MYL12A: variants seen among roughly 807,000 people sequenced by gnomAD.
MYL12A encodes the protein myosin regulatory light chain 12A.
MYL12A carries 11 observed loss-of-function variants against 13.3 expected under a neutral mutation model. The observed-to-expected ratio is 0.83, with a 90% CI of 0.52 to 1.37. The LOEUF (loss-of-function observed/expected upper bound fraction) is 1.37, where lower values mean the gene tolerates loss of function less well. MYL12A is among the 40% of genes most tolerant of loss of function. The pLI is 0.00. For synonymous variants in MYL12A, 51 were observed against 69.9 expected (o/e 0.73, Z 1.35); for missense variants, 146 against 212.3 (o/e 0.69, Z 1.94).
At position 3,253,970 on chromosome 18, in the gene MYL12A, T is replaced by C. The variant is rs778425584; in HGVS notation, c.263T>C (p.Met88Thr). Reference protein sequence around the residue: ...GPINFTMFLTMFGEKLNGTDP... With the variant: ...GPINFTMFLTTFGEKLNGTDP... ...ATCAATTTCACCATGTTCCTCACCA[T>C]GTTTGGTGAGAAGTTAAATGGCACA... The change falls in exon 3 of 4, where the codon ATG (methionine) becomes ACG (threonine). Residue 88 changes from methionine to threonine, a missense_variant. Met to Thr is a moderately conservative substitution (Grantham distance 81). Coordinates refer to ENST00000217652, the MANE Select transcript of MYL12A (RefSeq NM_006471.4). 6 of 1,613,792 alleles carry C rather than the reference T, an allele frequency of 3.7e-6. No homozygotes were observed. Among genetic ancestry groups the C allele is most frequent in the Non-Finnish European group, 5.1e-6 (6 of 1,179,862 alleles).
At position 3,250,818 on chromosome 18, in the gene MYL12A, A is replaced by G. The variant is rs960067472; in HGVS notation, c.-15-2415A>G. Among the ~76,000 whole-genome samples, 5 of 152,160 alleles carry G rather than the reference A, an allele frequency of 3.3e-5. No individual in the cohort carries two copies. The East Asian group carries it at 7.7e-4, about 23-fold the overall frequency. On this transcript the variant is annotated intron_variant, in intron 1 of 3. Transcript: ENST00000217652. ...ATCTTTTCTGAACTCACAGCATTTG[A>G]TAATTATGTACCATGTTAGGAATTA... is the stretch of plus-strand genomic sequence containing the variant.
chr18:3,250,469 CTT>C (rs775143606), intron 1 of MYL12A, among the ~76,000 whole-genome samples: 1 of 152,152 alleles, frequency 6.6e-6, no homozygotes, highest in Non-Finnish European at 1.5e-5. Context: ...TCTCCCCACA[CTT>C]TTAGTTTGGT....
chr18:3,255,414 TGAA>T (rs1196656623), intron 3 of MYL12A: 1 of 186,704 alleles, frequency 5.4e-6, no homozygotes, highest in Non-Finnish European at 1.1e-5. Flanking sequence ...TCATGCCACT[TGAA>T]GGAACCGTAA....
Position 3,252,426 on chromosome 18 carries a change from A to C in MYL12A, c.-15-807A>C. 5 of 1,372,520 alleles carry C rather than the reference A, an allele frequency of 3.6e-6. No individual in the cohort carries two copies. The South Asian group carries it at 7.5e-5, about 21-fold the overall frequency. 85.0% of individuals were successfully genotyped at this position (1,372,520 alleles called of 1,614,324 possible). A position where few individuals can be genotyped will look rare whatever the true frequency, so the allele number is the denominator to read the frequency against. The stretch of plus-strand genomic sequence containing the variant: ...GTATTGAAAATTGCCTTTTTATTTT[A>C]GGTATTATTAGACATTCTTTTTAAT... On this transcript the variant is annotated intron_variant, in intron 1 of 3. Coordinates refer to ENST00000217652, the MANE Select transcript of MYL12A (RefSeq NM_006471.4).
chr18:3,249,185 ATATAT>A (rs758627890), intron 1 of MYL12A, among the ~76,000 whole-genome samples: 3 of 152,214 alleles, frequency 2.0e-5, no homozygotes, highest in Non-Finnish European at 2.9e-5. Flanking sequence ...ACTCTAATGT[ATATAT>A]TGGTATGGAT....
chr18:3,249,091 G>A (rs2081458936), intron 1 of MYL12A, among the ~76,000 whole-genome samples: 1 of 152,140 alleles, frequency 6.6e-6, no homozygotes, highest in Non-Finnish European at 1.5e-5. Context: ...TTGAGTGTTC[G>A]TTTTGTAGAA....
Position 3,254,049 on chromosome 18 carries a change from T to A in MYL12A, c.342T>A (p.Thr114=), listed in dbSNP as rs1333169298. The A allele has an allele frequency of 7.4e-6, 12 of 1,611,844 alleles. No homozygotes were observed. In the South Asian group the frequency reaches 1.2e-4, roughly 16 times the overall value. The change falls in exon 3 of 4, where the codon ACT becomes ACA. Residue 114 remains threonine, a splice_region_variant and synonymous_variant. Transcript: ENST00000217652. ...NAFACFDEEA[T]GTIQEDYLRE... ...TTGCTTGCTTTGATGAAGAAGCAAC[T>A]GGTAAGTGAGAGGTAACCTTTAATT...
At chr18:3,248,336 C>T in intron 1 of MYL12A, 1 of 152,228 alleles carries the variant, frequency 6.6e-6, no homozygotes, top group East Asian at 1.9e-4. Flanking sequence ...TTGGGAAGTT[C>T]TTCAGCTCAG....
intron 1 of MYL12A, among the ~76,000 whole-genome samples, chr18:3,251,445 A>C (rs1014964564): frequency 2.0e-5 from 3 of 152,190 alleles, no homozygotes; most frequent in African/African-American, 7.2e-5. Context: ...CACAAAACAG[A>C]CTATTTTTAA....
At chr18:3,250,663 C>T (rs971410031) in intron 1 of MYL12A, among the ~76,000 whole-genome samples, 1 of 152,182 alleles carries the variant, frequency 6.6e-6, no homozygotes, top group Non-Finnish European at 1.5e-5. Context: ...GAATTAACTA[C>T]CTTAATTTGT....
chr18:3,253,042 G>T lies in MYL12A; in HGVS notation c.-15-191G>T, dbSNP rs193161631. On this transcript the variant is annotated intron_variant, in intron 1 of 3. Coordinates refer to ENST00000217652, the MANE Select transcript of MYL12A (RefSeq NM_006471.4). ...AAATCAGCAGATTTGGTTATCAGCT[G>T]TTGTTAGTTATATAGCAGTACAGGA... Among the ~76,000 whole-genome samples, 114 of 152,168 alleles carry T rather than the reference G, an allele frequency of 7.5e-4. 1 individual carries two copies. Among genetic ancestry groups the T allele is most frequent in the Non-Finnish European group, 1.4e-3 (93 of 68,008 alleles).
Position 3,253,283 on chromosome 18 carries a change from G to C in MYL12A, c.36G>C (p.Lys12Asn). 6.2e-7 allele frequency: 1 copy of C among 1,613,920 alleles called. No homozygotes were observed. Among genetic ancestry groups the C allele is most frequent in the African/African-American group, 1.3e-5 (1 of 75,046 alleles). The change falls in exon 2 of 4, where the codon AAG (lysine) becomes AAC (asparagine). Residue 12 changes from lysine (K) to asparagine (N), a missense_variant. Coordinates refer to ENST00000217652, the MANE Select transcript of MYL12A (RefSeq NM_006471.4). ...SSKRTKTKTK[K>N]RPQRATSNVF... ...AAAGAACAAAGACCAAGACCAAGAA[G>C]CGCCCTCAGCGTGCAACATCCAATG...
chr18:3,249,504 G>A (rs1325520631), intron 1 of MYL12A: 1 of 152,174 alleles, frequency 6.6e-6, no homozygotes, highest in Non-Finnish European at 1.5e-5. Flanking sequence ...ACTTTCTCAT[G>A]CATCTGAAAT....
intron 1 of MYL12A, among the ~76,000 whole-genome samples, chr18:3,251,537 T>G (rs912023879): frequency 1.3e-5 from 2 of 152,216 alleles, no homozygotes; most frequent in Admixed American, 1.3e-4. Flanking sequence ...CTCATTGGGT[T>G]TCAACCTCTT....
At chr18:3,254,995 G>A (rs1045563524) in intron 3 of MYL12A, among the ~76,000 whole-genome samples, 2 of 152,168 alleles carry the variant, frequency 1.3e-5, no homozygotes, top group African/African-American at 4.8e-5. Context: ...AAAATAAATC[G>A]GGTGACATCA....
In MYL12A at chr18:3,255,755, A is replaced by G; in HGVS notation, c.353A>G (p.Gln118Arg). Residue 118 changes from glutamine (Q) to arginine (R), a missense_variant, in exon 4 of 4, where the codon CAG (glutamine) becomes CGG (arginine). Physicochemically the swap from Gln to Arg is conservative, Grantham distance 43. Transcript: ENST00000217652. Reference protein sequence around the residue: ...CFDEEATGTIQEDYLRELLTT... With the variant: ...CFDEEATGTIREDYLRELLTT... ...GTTCTTTATTCTCCAGGCACCATAC[A>G]GGAAGATTACTTGAGAGAGCTGCTG... The G allele has an allele frequency of 6.2e-7, 1 of 1,613,008 alleles. No individual in the cohort carries two copies. Among genetic ancestry groups the G allele is most frequent in the Non-Finnish European group, 8.5e-7 (1 of 1,179,674 alleles).
At chr18:3,252,180 A>G in intron 1 of MYL12A, 1 of 607,666 alleles carries the variant, frequency 1.6e-6, no homozygotes, top group Non-Finnish European at 2.7e-6. Context: ...TTCAGAACGT[A>G]AGCTTTAAAA....
chr18:3,251,663 A>C (rs1388596550), intron 1 of MYL12A, among the ~76,000 whole-genome samples: 1 of 152,206 alleles, frequency 6.6e-6, no homozygotes, highest in Non-Finnish European at 1.5e-5. Flanking sequence ...CATGTAGTTT[A>C]GATGTGAATG....
At chr18:3,249,474 CT>C (rs2081462789) in intron 1 of MYL12A, 1 of 152,236 alleles carries the variant, frequency 6.6e-6, no homozygotes, top group African/African-American at 2.4e-5. Flanking sequence ...TAAACTCAGT[CT>C]CCTAACTGCC....
Sources: allele counts gnomAD v4.1 joint callset (sites outside exome capture counted in the v4.1 genomes callset), GRCh38; gene constraint gnomAD v4.1.1; transcripts MANE v1.5; gene names NCBI Gene and HGNC (gene_info 2026-07-23, HGNC 2026-07-21).